The following PDZD7 variants were observed in gnomAD, a reference collection of about 807,000 sequenced individuals.
The protein encoded by PDZD7 is PDZ domain-containing protein 7.
PDZD7 carries 72 observed loss-of-function variants against 84.7 expected under a neutral mutation model. The observed-to-expected ratio is 0.85, with a 90% CI of 0.70 to 1.03. The LOEUF (loss-of-function observed/expected upper bound fraction) is 1.03, where lower values mean the gene tolerates loss of function less well. Ranked by LOEUF, PDZD7 falls within the 50% of genes least tolerant of loss-of-function variation. PDZD7 has a pLI of 0.00. For synonymous variants in PDZD7, 594 were observed against 580.7 expected (o/e 1.02, Z -0.33); for missense variants, 1,490 against 1,412.9 (o/e 1.05, Z -0.87).
intron 11 of PDZD7, among the ~76,000 whole-genome samples, chr10:101,013,953 G>A (rs1452492126): frequency 6.6e-6 from 1 of 150,970 alleles, no homozygotes; most frequent in Non-Finnish European, 1.5e-5. Context: ...GGGTTCAAGC[G>A]ATTCTCCTGC....
chr10:101,014,551 T>C (rs1852523795), intron 11 of PDZD7, among the ~76,000 whole-genome samples: 1 of 152,114 alleles, frequency 6.6e-6, no homozygotes, highest in Non-Finnish European at 1.5e-5. Context: ...TTTCTGAGTT[T>C]AGCCCAAAGC....
At chr10:101,009,474 G>A in intron 15 of PDZD7, 124 bp from the exon 16 acceptor site, 1 of 752,944 alleles carries the variant, frequency 1.3e-6, no homozygotes. Context: ...CCTACATTCT[G>A]TTACTACTCA....
rs544424700 is a variant in PDZD7 at position 101,008,209 on chromosome 10, CT to C, written c.*257del. ...CTCCAGACCTTGGCTTTCTCACCCC[CT>C]ATCCTGGCTTGGGAGGTTGGGGAGC... On this transcript the variant is annotated 3_prime_UTR_variant, in exon 17 of 17. Coordinates refer to ENST00000619208, the MANE Select transcript of PDZD7 (RefSeq NM_001195263.2). The C allele has an allele frequency of 8.0e-4, 408 of 508,904 alleles. No individual in the cohort carries two copies. The highest frequency in any genetic ancestry group is 7.2e-3 in the African/African-American group (382 of 52,966). The allele number at this position is 508,904 out of a possible 1,614,324, so 31.5% of individuals were successfully genotyped here.
In PDZD7 at chr10:101,008,511, G is replaced by A. The variant is rs765244872; in HGVS notation, c.3058C>T (p.Gln1020Ter). 6.5e-7 allele frequency: 1 copy of A among 1,533,154 alleles called. No individual in the cohort carries two copies. The highest frequency in any genetic ancestry group is 1.2e-5 in the South Asian group (1 of 83,810). 95.0% of individuals were successfully genotyped at this position (1,533,154 alleles called of 1,614,324 possible). A position where few individuals can be genotyped will look rare whatever the true frequency, so the allele number is the denominator to read the frequency against. Residue 1020 changes from glutamine (Q) to a stop codon, truncating the protein, a stop_gained, in exon 17 of 17, where the codon CAG becomes TAG. Coordinates refer to ENST00000619208, the MANE Select transcript of PDZD7 (RefSeq NM_001195263.2). LOFTEE classifies it low-confidence loss of function (END_TRUNC). ...TPSPAPSPAL[Q>*]TPDSKPAPSP... is the part of the protein sequence containing the mutation. The stretch of plus-strand genomic sequence containing the variant: ...GGTGCGGGCTTAGAATCAGGAGTCT[G>A]GAGGGCTGGGGAGGGGGCTGGGCTG...
intron 16 of PDZD7, 107 bp from the exon 17 acceptor site, chr10:101,008,957 C>CA: frequency 2.2e-6 from 3 of 1,345,806 alleles, no homozygotes; most frequent in Non-Finnish European, 2.9e-6. Flanking sequence ...GACACTCCTC[C>CA]CCCATCTGGG....
Position 101,024,452 on chromosome 10 carries a change from C to T in PDZD7, c.227-384G>A, listed in dbSNP as rs540520661. 2.5e-4 allele frequency among the ~76,000 whole-genome samples: 32 copies of T among 130,440 alleles called. No individual in the cohort carries two copies. The South Asian group carries it at 6.5e-3, about 27-fold the overall frequency. 85.6% of individuals were successfully genotyped at this position (130,440 alleles called of 152,430 possible). ...AGAGGCAGGGTCTCACTTTGTTGCC[C>T]AGACTGGCCCAAATCCCTGGCCTCA... On this transcript the variant is annotated intron_variant, in intron 2 of 16. Transcript: ENST00000619208.
At chr10:101,017,023 A>C (rs1564631503) in intron 9 of PDZD7, among the ~76,000 whole-genome samples, 1 of 151,948 alleles carries the variant, frequency 6.6e-6, no homozygotes, top group Non-Finnish European at 1.5e-5. Context: ...CAGCACCCTG[A>C]TTTTCCCCTG....
At chr10:101,020,700 T>G in intron 6 of PDZD7, 22 bp from the exon 7 acceptor site, 1 of 1,600,804 alleles carries the variant, frequency 6.2e-7, no homozygotes. Context: ...ATGGTGGGCA[T>G]AGGAGGGAAG....
At chr10:101,029,081 A>T (rs1208589816) in intron 2 of PDZD7, among the ~76,000 whole-genome samples, 2 of 152,214 alleles carry the variant, frequency 1.3e-5, no homozygotes, top group Non-Finnish European at 2.9e-5. Context: ...GGAGATATTT[A>T]TCTGGTCCTG....
At chr10:101,021,356 C>T (rs770295860) in intron 6 of PDZD7, among the ~76,000 whole-genome samples, 18 of 152,124 alleles carry the variant, frequency 1.2e-4, no homozygotes, top group Non-Finnish European at 2.4e-4. Flanking sequence ...GTGAGACCCA[C>T]ATGAATAATG....
rs576860972 is a variant in PDZD7, at chr10:101,026,789, G to A, written c.227-2721C>T. ...AGAAAGAAATCCCCGAGGGCAGCCT[G>A]GGGGGAGGGGTGGTGCAGGACAGAT... On this transcript the variant is annotated intron_variant, in intron 2 of 16. Transcript: ENST00000619208. Among the ~76,000 whole-genome samples, 324 of 151,890 alleles carry A rather than the reference G, an allele frequency of 2.1e-3. 2 individuals are homozygous for A. The highest frequency in any genetic ancestry group is 2.3e-3 in the Non-Finnish European group (156 of 67,934).
intron 7 of PDZD7, among the ~76,000 whole-genome samples, chr10:101,020,402 G>A (rs973655158): frequency 2.0e-5 from 3 of 152,126 alleles, no homozygotes; most frequent in East Asian, 3.9e-4. Flanking sequence ...CATCGCGGCC[G>A]GCTTAAATTA....
chr10:101,011,094 G>T, intron 14 of PDZD7: 4 of 1,407,826 alleles, frequency 2.8e-6, no homozygotes, highest in Non-Finnish European at 3.7e-6. Context: ...TTGCCCAGGC[G>T]TGGTGGCGCG....
At position 101,023,577 on chromosome 10, in the gene PDZD7, G is replaced by T; in HGVS notation, c.401C>A (p.Thr134Lys). 1.2e-6 allele frequency: 2 copies of T among 1,613,494 alleles called. No homozygotes were observed. Among genetic ancestry groups the T allele is most frequent in the Non-Finnish European group, 8.5e-7 (1 of 1,180,018 alleles). Reference sequence around the variant, plus strand: ...CTCCAGGCTCAGCCCATTCACCTCCGTGATCTTGTCCCCCACGCACAGGCC... The same window carrying T: ...CTCCAGGCTCAGCCCATTCACCTCCTTGATCTTGTCCCCCACGCACAGGCC... ...RAGLCVGDKI[T>K]EVNGLSLEST... is the part of the protein sequence containing the mutation. Residue 134 changes from threonine (T) to lysine (K), a missense_variant, in exon 4 of 17, where the codon ACG becomes AAG. Physicochemically the swap from Thr to Lys is moderately conservative, Grantham distance 78. Coordinates refer to ENST00000619208, the MANE Select transcript of PDZD7 (RefSeq NM_001195263.2).
chr10:101,021,781 C>T lies in PDZD7; in HGVS notation c.867+17G>A, dbSNP rs191139496. 8.1e-6 allele frequency: 13 copies of T among 1,614,200 alleles called. No homozygotes were observed. The African/African-American group carries it at 1.2e-4, about 15-fold the overall frequency. On this transcript the variant is annotated intron_variant, in intron 6 of 16. Transcript: ENST00000619208. ...TACTCTAGCCTCACCTCTCCCTACC[C>T]CCACTGTTCTGCCCACCTTGATGGT... is the stretch of plus-strand genomic sequence containing the variant.
chr10:101,017,254 C>G, intron 9 of PDZD7: 1 of 225,012 alleles, frequency 4.4e-6, no homozygotes, highest in Non-Finnish European at 8.7e-6. Context: ...TCATCTTACC[C>G]CCAGGTGGGC....
intron 2 of PDZD7, among the ~76,000 whole-genome samples, chr10:101,024,851 G>A (rs563467610): frequency 6.6e-6 from 1 of 151,904 alleles, no homozygotes; most frequent in Admixed American, 6.6e-5. Context: ...GTGTGTGTGT[G>A]TGTGTGTGTG....
intron 4 of PDZD7, 126 bp downstream of exon 4, chr10:101,023,310 C>G: frequency 1.8e-6 from 2 of 1,136,734 alleles, no homozygotes; most frequent in South Asian, 2.6e-5. Context: ...CCTTTGGATC[C>G]CCTGCGTTTC....
chr10:101,022,188 A>C, intron 5 of PDZD7, 21 bp downstream of exon 5: 2 of 1,613,726 alleles, frequency 1.2e-6, no homozygotes, highest in Non-Finnish European at 1.7e-6. Flanking sequence ...ACCCGAAGAC[A>C]CTTCCTGCCT....
Sources: allele counts gnomAD v4.1 joint callset (sites outside exome capture counted in the v4.1 genomes callset), GRCh38; gene constraint gnomAD v4.1.1; transcripts MANE v1.5; gene names NCBI Gene and HGNC (gene_info 2026-07-23, HGNC 2026-07-21).